PRR5L: variants seen among roughly 807,000 people sequenced by gnomAD.
The protein encoded by PRR5L is proline-rich protein 5-like.
In PRR5L, 21 loss-of-function variants were observed where a neutral mutation model predicts 36.4. The observed-to-expected ratio is 0.58, with a 90% confidence interval of 0.41 to 0.83. The LOEUF is 0.83. Ranked by LOEUF, PRR5L falls within the 40% of genes least tolerant of loss-of-function variation. The pLI, the probability that PRR5L is intolerant of heterozygous loss-of-function variation, is 0.00. For synonymous variants in PRR5L, 188 were observed against 197.0 expected, an observed-to-expected ratio of 0.95 and a Z score of 0.38; for missense variants, 381 against 473.3, an observed-to-expected ratio of 0.80 and a Z score of 1.81.
chr11:36,397,927 C>T (rs1018241372), intron 1 of PRR5L, among the ~76,000 whole-genome samples: 23 of 152,022 alleles, frequency 1.5e-4, no homozygotes, highest in African/African-American at 5.6e-4. Flanking sequence ...CCCCGAGTCG[C>T]CGGGATTAAA....
chr11:36,447,620 G>T (rs531239847), intron 7 of PRR5L, among the ~76,000 whole-genome samples: 1 of 152,308 alleles, frequency 6.6e-6, no homozygotes, highest in Non-Finnish European at 1.5e-5. Flanking sequence ...GGCTAGTGAT[G>T]ACCCCTTGCT....
intron 1 of PRR5L, among the ~76,000 whole-genome samples, chr11:36,327,945 G>C (rs988146687): frequency 6.6e-6 from 1 of 152,062 alleles, no homozygotes; most frequent in Admixed American, 6.6e-5. Flanking sequence ...TTCCAAAATC[G>C]AGCTGTAACC....
chr11:36,419,067 C>T (rs1858209293), intron 3 of PRR5L, among the ~76,000 whole-genome samples, 188 bp from the exon 4 acceptor site: 1 of 152,122 alleles, frequency 6.6e-6, no homozygotes, highest in Non-Finnish European at 1.5e-5. Context: ...CTGAGGAACG[C>T]ATCTCCTTCT....
intron 1 of PRR5L, among the ~76,000 whole-genome samples, chr11:36,356,321 C>T (rs1857027388): frequency 6.6e-6 from 1 of 152,030 alleles, no homozygotes; most frequent in African/African-American, 2.4e-5. Context: ...AAGTAAAAGC[C>T]ATTTGATTTA....
At chr11:36,458,797 G>A (rs1859117772) in intron 8 of PRR5L, among the ~76,000 whole-genome samples, 2 of 152,212 alleles carry the variant, frequency 1.3e-5, no homozygotes, top group African/African-American at 4.8e-5. Context: ...CTTTCCTCTT[G>A]GAAAGTGGGG....
At chr11:36,376,212 G>T in intron 1 of PRR5L, 4 of 1,297,054 alleles carry the variant, frequency 3.1e-6, no homozygotes, top group Non-Finnish European at 3.1e-6. Context: ...AGTTGCTGAA[G>T]GGGAGGAGGA....
At chr11:36,382,486 C>T (rs1857386733) in intron 1 of PRR5L, among the ~76,000 whole-genome samples, 1 of 152,212 alleles carries the variant, frequency 6.6e-6, no homozygotes, top group African/African-American at 2.4e-5. Flanking sequence ...ACCTGGAGAT[C>T]CTGTTAAACC....
At chr11:36,384,907 G>A (rs1230527465) in intron 1 of PRR5L, among the ~76,000 whole-genome samples, 1 of 151,706 alleles carries the variant, frequency 6.6e-6, no homozygotes, top group Non-Finnish European at 1.5e-5. Context: ...CTGGCCTAAA[G>A]GGATTCTCCC....
At chr11:36,333,998 C>T (rs1856744748) in intron 1 of PRR5L, among the ~76,000 whole-genome samples, 1 of 151,608 alleles carries the variant, frequency 6.6e-6, no homozygotes, top group Non-Finnish European at 1.5e-5. Flanking sequence ...TCCTGCACAA[C>T]AGGCTTCATC....
chr11:36,412,214 G>A (rs1331617868), intron 3 of PRR5L, among the ~76,000 whole-genome samples: 1 of 152,084 alleles, frequency 6.6e-6, no homozygotes, highest in African/African-American at 2.4e-5. Context: ...TCTCTGGCCT[G>A]TGCTTGCTTG....
At chr11:36,309,030 A>G (rs536933802) in intron 1 of PRR5L, among the ~76,000 whole-genome samples, 1 of 152,248 alleles carries the variant, frequency 6.6e-6, no homozygotes, top group Admixed American at 6.5e-5. Context: ...CAGCAATAGT[A>G]GACGGATACA....
intron 1 of PRR5L, among the ~76,000 whole-genome samples, chr11:36,351,573 A>T (rs1288749405): frequency 4.4e-5 from 1 of 22,532 alleles, no homozygotes; most frequent in Non-Finnish European, 6.5e-5. Flanking sequence ...TTATATATTT[A>T]TATAAATATA....
intron 1 of PRR5L, among the ~76,000 whole-genome samples, chr11:36,363,598 C>T (rs1366147430): frequency 6.6e-6 from 1 of 152,206 alleles, no homozygotes; most frequent in African/African-American, 2.4e-5. Flanking sequence ...GGGCAGGTTT[C>T]CTGCAAGGAG....
At chr11:36,447,726 C>T (rs1252992680) in intron 7 of PRR5L, among the ~76,000 whole-genome samples, 1 of 152,178 alleles carries the variant, frequency 6.6e-6, no homozygotes, top group African/African-American at 2.4e-5. Context: ...GAAGCTGGGC[C>T]ATCCTTCTGG....
At chr11:36,359,946 A>G (rs1297504438) in intron 1 of PRR5L, among the ~76,000 whole-genome samples, 1 of 152,078 alleles carries the variant, frequency 6.6e-6, no homozygotes, top group Non-Finnish European at 1.5e-5. Context: ...CTGAGACATA[A>G]GAATTGCTTG....
chr11:36,409,043 C>T (rs1857970904), intron 3 of PRR5L, among the ~76,000 whole-genome samples: 2 of 152,034 alleles, frequency 1.3e-5, no homozygotes, highest in Non-Finnish European at 2.9e-5. Context: ...AGGAACTGGG[C>T]AGGTAGTTCT....
chr11:36,297,191 G>C (rs916358813), intron 1 of PRR5L, among the ~76,000 whole-genome samples: 4 of 152,204 alleles, frequency 2.6e-5, no homozygotes, highest in African/African-American at 7.2e-5. Context: ...TTTCTCTTAA[G>C]TAGTATGGGA....
At chr11:36,403,493 T>C in intron 3 of PRR5L, 115 bp downstream of exon 3, 1 of 694,466 alleles carries the variant, frequency 1.4e-6, no homozygotes, top group Non-Finnish European at 2.4e-6. Context: ...GCTTGATTCT[T>C]ATTGCTTCTT....
At chr11:36,412,768 C>A (rs34852721) in intron 3 of PRR5L, among the ~76,000 whole-genome samples, 19,632 of 152,098 alleles carry the variant, frequency 0.13, 1,362 homozygotes, top group African/African-American at 0.17. Flanking sequence ...GTAAGATGAA[C>A]CTCCTGTGCC....
Sources: gnomAD v4.1 joint callset for allele counts (sites outside exome capture counted in the v4.1 genomes callset) on GRCh38, gnomAD v4.1.1 for gene constraint, MANE v1.5 for transcripts, NCBI Gene and HGNC (gene_info 2026-07-23, HGNC 2026-07-21) for gene names.